The following PSD3 variants were observed in gnomAD, a reference collection of about 807,000 sequenced individuals.
PSD3 encodes PH and SEC7 domain-containing protein 3.
A neutral mutation model predicts 105.5 loss-of-function variants in PSD3; 49 were observed. That is an observed-to-expected ratio of 0.46 (90% CI 0.37 to 0.59). The LOEUF (loss-of-function observed/expected upper bound fraction) is 0.59, where lower values mean the gene tolerates loss of function less well. Among genes scored for constraint, PSD3 ranks in the 20% least tolerant of loss-of-function variants. The pLI is 0.00. For missense variants in PSD3, 1,561 were observed against 1,263.8 expected (o/e 1.24, Z -3.57); for synonymous variants, 557 against 457.8 (o/e 1.22, Z -2.77).
At chr8:18,685,108 T>C (rs1800594108) in intron 9 of PSD3, among the ~76,000 whole-genome samples, 3 of 152,216 alleles carry the variant, frequency 2.0e-5, no homozygotes, top group African/African-American at 7.2e-5. Flanking sequence ...GGGAAAAACG[T>C]CAGCCTCAAT....
intron 10 of PSD3, among the ~76,000 whole-genome samples, chr8:18,643,506 C>G (rs1312511819): frequency 6.6e-6 from 1 of 152,174 alleles, no homozygotes; most frequent in African/African-American, 2.4e-5. Flanking sequence ...TTCCCACCAG[C>G]TGTGGGCCTG....
chr8:18,754,197 A>G (rs2129439973), intron 9 of PSD3, among the ~76,000 whole-genome samples: 1 of 152,282 alleles, frequency 6.6e-6, no homozygotes, highest in East Asian at 1.9e-4. Flanking sequence ...CAGCCTGACC[A>G]ATATGGTGAA....
At chr8:18,944,279 G>A (rs1170709916) in intron 1 of PSD3, among the ~76,000 whole-genome samples, 2 of 152,130 alleles carry the variant, frequency 1.3e-5, no homozygotes, top group East Asian at 1.9e-4. Context: ...GACTTAAAAA[G>A]TTTAAGCCAG....
intron 1 of PSD3, among the ~76,000 whole-genome samples, chr8:19,057,455 C>A (rs142674059): frequency 5.9e-5 from 9 of 152,296 alleles, no homozygotes; most frequent in African/African-American, 2.2e-4. Flanking sequence ...TCTGGTCACG[C>A]CTTCTGTGTT....
At chr8:18,811,303 A>G (rs1286953082) in intron 4 of PSD3, among the ~76,000 whole-genome samples, 2 of 152,198 alleles carry the variant, frequency 1.3e-5, no homozygotes, top group Admixed American at 1.3e-4. Flanking sequence ...CTTTACTACT[A>G]TCCATTTTGC....
rs184383876 is a variant in PSD3 at position 18,575,649 on chromosome 8, T to G, written c.2482-364A>C. Among the ~76,000 whole-genome samples, 324 of 152,298 alleles carry G rather than the reference T, an allele frequency of 2.1e-3. 1 individual carries two copies. Among genetic ancestry groups the G allele is most frequent in the African/African-American group, 7.1e-3 (296 of 41,556 alleles). ...ACTTGGACCAATAGTGTGATTTGGTTTCAGGATTAAATGGTTAAAAGCACA... is the reference window on the plus strand; with the variant it reads ...ACTTGGACCAATAGTGTGATTTGGTGTCAGGATTAAATGGTTAAAAGCACA... On this transcript the variant is annotated intron_variant, in intron 12 of 15. Transcript: ENST00000327040.
intron 1 of PSD3, chr8:18,940,280 T>C (rs1822447993): frequency 6.6e-6 from 1 of 152,186 alleles, no homozygotes; most frequent in Non-Finnish European, 1.5e-5. Flanking sequence ...TATATACGAA[T>C]CACCTGGAAT....
intron 2 of PSD3, among the ~76,000 whole-genome samples, chr8:18,876,342 G>T (rs1268945879): frequency 6.6e-6 from 1 of 152,082 alleles, no homozygotes; most frequent in Admixed American, 6.6e-5. Flanking sequence ...TGGCTGCTAT[G>T]AATAAAAAAT....
intron 9 of PSD3, among the ~76,000 whole-genome samples, chr8:18,656,427 T>G (rs559104192): frequency 6.6e-6 from 1 of 151,814 alleles, no homozygotes; most frequent in Non-Finnish European, 1.5e-5. Flanking sequence ...AGATACTTGG[T>G]AGGGGGACTG....
At chr8:19,009,115 T>C (rs1826836669) in intron 1 of PSD3, among the ~76,000 whole-genome samples, 1 of 152,242 alleles carries the variant, frequency 6.6e-6, no homozygotes, top group Non-Finnish European at 1.5e-5. Context: ...CATGTGGTCC[T>C]ACAGAGATCC....
intron 9 of PSD3, among the ~76,000 whole-genome samples, chr8:18,667,704 T>C (rs543327567): frequency 1.2e-4 from 19 of 152,292 alleles, no homozygotes; most frequent in African/African-American, 4.6e-4. Flanking sequence ...AGGCAGCTGA[T>C]GGGACCAGGC....
chr8:18,651,061 G>T (rs2130834899), intron 10 of PSD3, among the ~76,000 whole-genome samples: 1 of 152,238 alleles, frequency 6.6e-6, no homozygotes, highest in South Asian at 2.1e-4. Context: ...AATTTTTCAA[G>T]AACATATACC....
At chr8:18,960,347 T>C (rs754798479) in intron 1 of PSD3, among the ~76,000 whole-genome samples, 11 of 152,242 alleles carry the variant, frequency 7.2e-5, no homozygotes, top group Non-Finnish European at 1.6e-4. Context: ...ATCGATGGCA[T>C]GTCTGATTAG....
At position 18,857,019 on chromosome 8, in the gene PSD3, CA is replaced by C. The variant is rs536927175; in HGVS notation, c.1634+10654del. The stretch of plus-strand genomic sequence containing the variant: ...CGCCACCAACCATACGTTTCCTAAG[CA>C]GGAAAATCAATCAATCCCTGCTGAT... On this transcript the variant is annotated intron_variant, in intron 4 of 15. Transcript: ENST00000327040. Among the ~76,000 whole-genome samples, 337 of 152,326 alleles carry C rather than the reference CA, an allele frequency of 2.2e-3. 2 individuals carry two copies. Among genetic ancestry groups the C allele is most frequent in the African/African-American group, 7.5e-3 (311 of 41,574 alleles).
At chr8:18,539,547 C>CTTT (rs547299808) in intron 15 of PSD3, among the ~76,000 whole-genome samples, 3 of 133,844 alleles carry the variant, frequency 2.2e-5, no homozygotes, top group South Asian at 2.4e-4. Context: ...TAGTAAATTA[C>CTTT]TTTTTTTTTT....
chr8:18,880,301 T>C (rs1237828828), intron 2 of PSD3, among the ~76,000 whole-genome samples: 1 of 152,226 alleles, frequency 6.6e-6, no homozygotes, highest in Non-Finnish European at 1.5e-5. Context: ...GTTTCCAAAA[T>C]TCATTCACGC....
intron 1 of PSD3, among the ~76,000 whole-genome samples, chr8:19,062,130 A>C (rs887225979): frequency 1.3e-5 from 2 of 152,168 alleles, no homozygotes; most frequent in Non-Finnish European, 2.9e-5. Flanking sequence ...AACTCAATCA[A>C]TGGTTTAAAT....
intron 6 of PSD3, among the ~76,000 whole-genome samples, chr8:18,804,195 A>C (rs894893478): frequency 6.6e-6 from 1 of 152,196 alleles, no homozygotes; most frequent in Admixed American, 6.5e-5. Flanking sequence ...AAAATAAGAA[A>C]TCTAAAATGC....
At chr8:18,830,473 T>C (rs772551440) in intron 4 of PSD3, among the ~76,000 whole-genome samples, 39 of 152,294 alleles carry the variant, frequency 2.6e-4, no homozygotes, top group Non-Finnish European at 4.0e-4. Flanking sequence ...GCATCTCTTT[T>C]AGTCATTTCC....
Sources: gnomAD v4.1 joint callset for allele counts (sites outside exome capture counted in the v4.1 genomes callset) on GRCh38, gnomAD v4.1.1 for gene constraint, MANE v1.5 for transcripts, NCBI Gene and HGNC (gene_info 2026-07-23, HGNC 2026-07-21) for gene names.